APC: variants seen among roughly 807,000 people sequenced by gnomAD.
APC encodes the protein APC regulator of Wnt signaling pathway, also known as adenomatous polyposis coli protein.
In APC, 72 loss-of-function variants were observed where a neutral mutation model predicts 247.0. That is an observed-to-expected ratio of 0.29 (90% confidence interval 0.24 to 0.35). APC has a LOEUF of 0.35. APC is among the 10% of genes least tolerant of loss of function. The pLI is 1.00. For missense variants in APC, 3,400 were observed against 3,360.7 expected, an observed-to-expected ratio of 1.01 and a Z score of -0.29; for synonymous variants, 1,254 against 1,162.5, an observed-to-expected ratio of 1.08 and a Z score of -1.60.
intron 6 of APC, among the ~76,000 whole-genome samples, chr5:112,787,197 C>T (rs1374990572): frequency 2.0e-5 from 3 of 152,106 alleles, no homozygotes; most frequent in African/African-American, 7.2e-5. Flanking sequence ...CTCAACCGTG[C>T]CTTTTAACAA....
intron 10 of APC, among the ~76,000 whole-genome samples, chr5:112,821,126 C>T (rs539004546): frequency 1.3e-5 from 2 of 151,466 alleles, no homozygotes; most frequent in Admixed American, 6.6e-5. Context: ...ACTTCAGCCT[C>T]CCAAAGTGCT....
At position 112,719,701 on chromosome 5, in the gene APC, AT is replaced by A. The variant is rs1468331798; in HGVS notation, c.165+11824del. Among the ~76,000 whole-genome samples the A allele has an allele frequency of 7.3e-5, 11 of 151,672 alleles. No individual in the cohort carries two copies. The East Asian group carries it at 9.8e-4, about 13-fold the overall frequency. On this transcript the variant is annotated intron_variant, in intron 1 of 13. Coordinates refer to the APC transcript ENST00000507379. ...AGGTGCGCACCATCACACCCGGCTA[AT>A]TTTTGTATTTTTAGTAGAGATGGAG... is the stretch of plus-strand genomic sequence containing the variant.
At chr5:112,762,459 G>A (rs1239397643) in intron 2 of APC, among the ~76,000 whole-genome samples, 2 of 152,152 alleles carry the variant, frequency 1.3e-5, no homozygotes, top group Non-Finnish European at 2.9e-5. Context: ...GAGGAGAAAG[G>A]ATAGATAAAT....
intron 2 of APC, among the ~76,000 whole-genome samples, chr5:112,764,550 C>T (rs954018452): frequency 7.9e-5 from 12 of 152,236 alleles, no homozygotes; most frequent in African/African-American, 2.6e-4. Flanking sequence ...TTTATTGGTA[C>T]AAAATGTTAG....
rs1060503275 is a variant in APC at position 112,844,032 on chromosome 5, C to A, written c.8438C>A (p.Thr2813Lys). The change falls in exon 16 of 16, where the codon ACA (threonine) becomes AAA (lysine). Residue 2813 changes from threonine to lysine, a missense_variant. Coordinates refer to ENST00000257430, the MANE Select transcript of APC (RefSeq NM_000038.6). ...ATCCCAACTCCAGTGAATAACAACA[C>A]AAAGAAGCGAGATTCCAAAACTGAC... ...SQIPTPVNNN[T>K]KKRDSKTDST... 1 of 1,602,624 alleles carries A rather than the reference C, an allele frequency of 6.2e-7. No individual in the cohort carries two copies. Among genetic ancestry groups the A allele is most frequent in the Non-Finnish European group, 8.5e-7 (1 of 1,176,868 alleles).
At position 112,819,165 on chromosome 5, in the gene APC, A is replaced by C; in HGVS notation, c.1133A>C (p.Glu378Ala). The C allele has an allele frequency of 6.2e-7, 1 of 1,614,034 alleles. No homozygotes were observed. Among genetic ancestry groups the C allele is most frequent in the Non-Finnish European group, 8.5e-7 (1 of 1,179,988 alleles). ...TTGGGAAATTCCCGGGGCAGTAAAG[A>C]GGCTCGGGCCAGGGCCAGTGCAGCA... ...VLLGNSRGSK[E>A]ARARASAALH... Residue 378 changes from glutamate to alanine, a missense_variant, in exon 10 of 16, where the codon GAG (glutamate) becomes GCG (alanine). Physicochemically the swap from Glu to Ala is moderately radical, Grantham distance 107. Around this residue, in one of 9 missense-constraint regions of APC, gnomAD observed 199 missense variants for 212.5 expected, o/e 0.94. Coordinates refer to ENST00000257430, the MANE Select transcript of APC (RefSeq NM_000038.6).
At chr5:112,723,151 A>T (rs542659602) in intron 1 of APC, among the ~76,000 whole-genome samples, 232 of 151,974 alleles carry the variant, frequency 1.5e-3, no homozygotes, top group South Asian at 3.8e-3. Flanking sequence ...TATTAAAAAA[A>T]AAGAGGACTA....
intron 11 of APC, among the ~76,000 whole-genome samples, chr5:112,822,231 C>T (rs1408795814): frequency 1.3e-5 from 2 of 151,978 alleles, no homozygotes; most frequent in African/African-American, 2.4e-5. Flanking sequence ...TTTTCAAAAT[C>T]GAAGCCGGAG....
At chr5:112,800,219 G>A (rs986174507) in intron 7 of APC, among the ~76,000 whole-genome samples, 8 of 152,218 alleles carry the variant, frequency 5.3e-5, no homozygotes, top group African/African-American at 1.4e-4. Flanking sequence ...CTTCACTTAC[G>A]TTAGTGTCAA....
At chr5:112,818,125 A>T (rs942601234) in intron 9 of APC, among the ~76,000 whole-genome samples, 1 of 152,212 alleles carries the variant, frequency 6.6e-6, no homozygotes. Context: ...ATGTTGTCAA[A>T]TGTGTCCCGA....
intron 1 of APC, among the ~76,000 whole-genome samples, chr5:112,711,291 C>G (rs544415821): frequency 6.6e-6 from 1 of 152,298 alleles, no homozygotes; most frequent in Non-Finnish European, 1.5e-5. Context: ...TAACTAATGC[C>G]TGATGATCTG....
At chr5:112,727,236 A>G (rs1173863426) in intron 1 of APC, among the ~76,000 whole-genome samples, 2 of 151,680 alleles carry the variant, frequency 1.3e-5, no homozygotes, top group Non-Finnish European at 2.9e-5. Flanking sequence ...GCAAACACTT[A>G]TCTTCGGACA....
At chr5:112,736,578 C>A (rs1346655061), upstream of APC, among the ~76,000 whole-genome samples, 2 of 152,102 alleles carry the variant, frequency 1.3e-5, no homozygotes, top group Non-Finnish European at 2.9e-5. Flanking sequence ...TCTTTTCATA[C>A]TATTTGAAAA....
chr5:112,843,200 CCTT>C lies in APC; in HGVS notation c.7609_7611del (p.Ser2537del), dbSNP rs773014860. The C allele has an allele frequency of 6.2e-7, 1 of 1,613,560 alleles. No individual in the cohort carries two copies. Among genetic ancestry groups the C allele is most frequent in the Non-Finnish European group, 8.5e-7 (1 of 1,179,520 alleles). On this transcript the variant is annotated inframe_deletion, in exon 16 of 16. Coordinates refer to ENST00000257430, the MANE Select transcript of APC (RefSeq NM_000038.6). The surrounding 1 kb of genome is among the most constrained non-coding windows in gnomAD (Gnocchi z 4.8). ...TATTGCACGGTCTCATTCTGAAAGT[CCTT>C]CTAGACTTCCAATCAATAGGTCAGG...
chr5:112,806,586 T>TGA (rs1294515141), intron 8 of APC, among the ~76,000 whole-genome samples: 123 of 151,530 alleles, frequency 8.1e-4, no homozygotes, highest in African/African-American at 2.7e-3. Flanking sequence ...ATTTATTTAT[T>TGA]TATTTATTGA....
intron 6 of APC, among the ~76,000 whole-genome samples, chr5:112,790,832 T>G (rs1256337644): frequency 1.3e-5 from 2 of 152,218 alleles, no homozygotes; most frequent in African/African-American, 4.8e-5. Context: ...GGGGTGATAT[T>G]TGTTCCGAAA....
chr5:112,801,246 T>C, intron 7 of APC, 33 bp from the exon 8 acceptor site: 1 of 1,579,152 alleles, frequency 6.3e-7, no homozygotes, highest in Non-Finnish European at 8.7e-7. Flanking sequence ...TACACCATTT[T>C]TGCATGTACT....
chr5:112,758,887 G>A (rs1170048253), intron 2 of APC, among the ~76,000 whole-genome samples: 3 of 152,216 alleles, frequency 2.0e-5, no homozygotes, highest in Non-Finnish European at 2.9e-5. Context: ...ACAGGCATGA[G>A]TCACCGCACC....
chr5:112,757,307 T>C (rs1755091533), intron 2 of APC, among the ~76,000 whole-genome samples: 1 of 152,152 alleles, frequency 6.6e-6, no homozygotes, highest in African/African-American at 2.4e-5. Context: ...TTTGAAACCA[T>C]TGGCACTTCC....
Sources: gnomAD v4.1 joint callset for allele counts (sites outside exome capture counted in the v4.1 genomes callset) on GRCh38, gnomAD v4.1.1 for gene constraint, gnomAD v4.1.1 regional missense constraint, Gnocchi (gnomAD v3.1) non-coding constraint, MANE v1.5 for transcripts, NCBI Gene and HGNC (gene_info 2026-07-23, HGNC 2026-07-21) for gene names.